The following ACOT9 variants were observed in gnomAD, a reference collection of about 807,000 sequenced individuals.
The protein encoded by ACOT9 is acyl-CoA thioesterase 9, also known as acyl-coenzyme A thioesterase 9, mitochondrial.
ACOT9 carries 34 observed loss-of-function variants against 39.7 expected under a neutral mutation model. That is an observed-to-expected ratio of 0.86 (90% CI 0.65 to 1.14). The LOEUF is 1.14. ACOT9 is among the 50% of genes most tolerant of loss of function. ACOT9 has a pLI of 0.00. For synonymous variants in ACOT9, 110 were observed against 120.5 expected, an observed-to-expected ratio of 0.91 and a Z score of 0.57; for missense variants, 313 against 344.1, an observed-to-expected ratio of 0.91 and a Z score of 0.71.
chrX:23,742,726 T>G (rs2146867805), intron 1 of ACOT9, among the ~76,000 whole-genome samples: 1 of 111,779 alleles, frequency 8.9e-6, no homozygotes, highest in African/African-American at 3.2e-5. Flanking sequence ...ATCCTAAAAA[T>G]GTTCTCCAAA....
In ACOT9 at chrX:23,728,212, G is replaced by A. The variant is rs148811476; in HGVS notation, c.400+2315C>T. Reference sequence around the variant, plus strand: ...CATTCAGCCCAAATATCATTAGGTGGGAGCAAGTAAGGTAACCTAGAGTAG... The same window carrying A: ...CATTCAGCCCAAATATCATTAGGTGAGAGCAAGTAAGGTAACCTAGAGTAG... On this transcript the variant is annotated intron_variant, in intron 6 of 15. Transcript: ENST00000379303. Among the ~76,000 whole-genome samples the A allele has an allele frequency of 5.4e-5, 6 of 110,954 alleles. No homozygotes were observed. In the East Asian group the frequency reaches 1.7e-3, roughly 32 times the overall value.
At chrX:23,726,825 C>A (rs1351830931) in intron 6 of ACOT9, among the ~76,000 whole-genome samples, 1 of 111,001 alleles carries the variant, frequency 9.0e-6, no homozygotes, top group African/African-American at 3.3e-5. Context: ...TGCCACTACA[C>A]CCGGCTAATT....
At position 23,705,634 on chromosome X, in the gene ACOT9, T is replaced by C. The variant is rs1928650838; in HGVS notation, c.934-40A>G. ...TAAATATCAATAAATACAAAACTTATGGCCACCTTTGTATACAGAACAGAG... is the reference window on the plus strand; with the variant it reads ...TAAATATCAATAAATACAAAACTTACGGCCACCTTTGTATACAGAACAGAG... On this transcript the variant is annotated intron_variant, in intron 12 of 15. Transcript: ENST00000379303. The C allele has an allele frequency of 8.7e-7, 1 of 1,151,703 alleles. No homozygotes were observed. Among genetic ancestry groups the C allele is most frequent in the South Asian group, 1.8e-5 (1 of 54,728 alleles). The allele number at this position is 1,151,703 out of a possible 1,213,427, so 94.9% of individuals were successfully genotyped here. A position where few individuals can be genotyped will look rare whatever the true frequency, so the allele number is the denominator to read the frequency against.
chrX:23,719,869 C>T (rs1327799122), intron 8 of ACOT9, among the ~76,000 whole-genome samples: 1 of 109,889 alleles, frequency 9.1e-6, no homozygotes, highest in Non-Finnish European at 1.9e-5. Context: ...CGGAGTCTCG[C>T]TCTGTCGCCC....
At chrX:23,729,687 A>G (rs776201126) in intron 6 of ACOT9, among the ~76,000 whole-genome samples, 1 of 112,184 alleles carries the variant, frequency 8.9e-6, no homozygotes, top group Non-Finnish European at 1.9e-5. Context: ...GCTGGAGTGC[A>G]GTGGCGCGAT....
At chrX:23,742,213 T>TGAGTGAGAGAGAGAGAGAGA (rs1555941896) in intron 1 of ACOT9, among the ~76,000 whole-genome samples, 2 of 68,880 alleles carry the variant, frequency 2.9e-5, no homozygotes, top group Non-Finnish European at 5.0e-5. Flanking sequence ...AGTGAGTGAG[T>TGAGTGAGAGAGAGAGAGAGA]GAGAGAGAGA....
chrX:23,742,988 C>T (rs1252561225), intron 1 of ACOT9, 137 bp downstream of exon 1: 2 of 772,226 alleles, frequency 2.6e-6, no homozygotes, highest in African/African-American at 2.2e-5. Context: ...GTACAGTGGG[C>T]GAGCGCCCCT....
At chrX:23,706,451 C>T (rs905779155) in intron 11 of ACOT9, among the ~76,000 whole-genome samples, 177 bp downstream of exon 11, 1 of 93,699 alleles carries the variant, frequency 1.1e-5, no homozygotes. Flanking sequence ...CCCAGCTACT[C>T]GGAGGCTGAG....
intron 6 of ACOT9, among the ~76,000 whole-genome samples, chrX:23,726,490 T>C (rs1929526934): frequency 9.1e-6 from 1 of 110,107 alleles, no homozygotes; most frequent in African/African-American, 3.3e-5. Flanking sequence ...CAAGAGCAGA[T>C]TCAATGGCGT....
rs781345994 is a variant in ACOT9, at chrX:23,731,134, T to A, written c.192-148A>T. 1.4e-5 allele frequency: 6 copies of A among 429,869 alleles called. No individual in the cohort carries two copies. In the East Asian group the frequency reaches 2.4e-4, roughly 17 times the overall value. The allele number at this position is 429,869 out of a possible 1,213,427, so 35.4% of individuals were successfully genotyped here. A position where few individuals can be genotyped will look rare whatever the true frequency, so the allele number is the denominator to read the frequency against. ...TCTCTTCCTTCCCTCCCTTCCCACC[T>A]GCCACTTGGTGAAATTGATCATTTC... On this transcript the variant is annotated intron_variant, in intron 4 of 15. Coordinates refer to ENST00000379303, the MANE Select transcript of ACOT9 (RefSeq NM_001037171.2).
rs763163855 is a variant in ACOT9, at chrX:23,731,881, G to C, written c.192-895C>G. 2.0e-4 allele frequency among the ~76,000 whole-genome samples: 22 copies of C among 112,007 alleles called. No individual in the cohort carries two copies. The South Asian group carries it at 8.0e-3, about 41-fold the overall frequency. The stretch of plus-strand genomic sequence containing the variant: ...AAGAAGAGAAGATTAAGGTGAAAGA[G>C]AAAAGAAAGACAAGGGGATACGGAA... On this transcript the variant is annotated intron_variant, in intron 4 of 15. Coordinates refer to ENST00000379303, the MANE Select transcript of ACOT9 (RefSeq NM_001037171.2).
rs375977760 is a variant in ACOT9 at position 23,721,870 on chromosome X, C to T, written c.588+11G>A. The T allele has an allele frequency of 1.4e-4, 168 of 1,185,043 alleles. No homozygotes were observed. The highest frequency in any genetic ancestry group is 1.7e-4 in the Non-Finnish European group (145 of 874,347). ...ACTTAAACAGTGGACAATCTTCAGGCGCATATTTACCTGGAACATTTGCAT... is the reference window on the plus strand; with the variant it reads ...ACTTAAACAGTGGACAATCTTCAGGTGCATATTTACCTGGAACATTTGCAT... On this transcript the variant is annotated intron_variant, in intron 8 of 15. Coordinates refer to ENST00000379303, the MANE Select transcript of ACOT9 (RefSeq NM_001037171.2).
chrX:23,710,143 G>A (rs1928843446), intron 9 of ACOT9, among the ~76,000 whole-genome samples: 2 of 112,149 alleles, frequency 1.8e-5, no homozygotes, highest in African/African-American at 6.5e-5. Flanking sequence ...TGCCCACCTC[G>A]GCCTCCCAAA....
intron 1 of ACOT9, among the ~76,000 whole-genome samples, chrX:23,741,065 T>C (rs1436174082): frequency 1.8e-5 from 2 of 109,228 alleles, no homozygotes; most frequent in African/African-American, 6.7e-5. Context: ...GGCACATGTA[T>C]ACATATGTAA....
intron 8 of ACOT9, among the ~76,000 whole-genome samples, chrX:23,719,793 G>A (rs750834338): frequency 2.7e-5 from 3 of 111,433 alleles, no homozygotes; most frequent in Admixed American, 9.6e-5. Context: ...TGGCCCGGGG[G>A]TTGGGGACCC....
At position 23,703,937 on chromosome X, in the gene ACOT9, C is replaced by T. The variant is rs201105808; in HGVS notation, c.1304G>A (p.Ser435Asn). Residue 435 changes from serine to asparagine, a missense_variant, in exon 16 of 16, where the codon AGT becomes AAT. By Grantham distance (46) the Ser-to-Asn change is conservative. Transcript: ENST00000379303. Reference sequence around the variant, plus strand: ...GTCCTTTCTCAAGGTCGCTGGGCCACTCATGGAGTTGAAATGCCGCTGCCC... The same window carrying T: ...GTCCTTTCTCAAGGTCGCTGGGCCATTCATGGAGTTGAAATGCCGCTGCCC... ...LDGQRHFNSM[S>N]GPATLRKDYL... 51 of 1,209,458 alleles carry T rather than the reference C, an allele frequency of 4.2e-5. No homozygotes were observed. The highest frequency in any genetic ancestry group is 5.7e-5 in the Non-Finnish European group (51 of 895,025).
intron 15 of ACOT9, among the ~76,000 whole-genome samples, chrX:23,704,401 C>T (rs1160806115): frequency 9.7e-6 from 1 of 102,872 alleles, no homozygotes; most frequent in African/African-American, 3.6e-5. Context: ...AGGATGGTCT[C>T]GATCTCCTGA....
At chrX:23,731,189 C>G (rs777388556) in intron 4 of ACOT9, among the ~76,000 whole-genome samples, 133 of 112,067 alleles carry the variant, frequency 1.2e-3, no homozygotes, top group African/African-American at 4.2e-3. Flanking sequence ...TAAAAACATT[C>G]TTAAGGCCAG....
At position 23,726,063 on chromosome X, in the gene ACOT9, G is replaced by A. The variant is rs145996396; in HGVS notation, c.401-3310C>T. On this transcript the variant is annotated intron_variant, in intron 6 of 15. Transcript: ENST00000379303. ...AAGATACAAAAAATTAGCCGGGCGT[G>A]GTGGTGTGTGCCTGTTATCCCAGCT... Among the ~76,000 whole-genome samples, 884 of 109,032 alleles carry A rather than the reference G, an allele frequency of 8.1e-3. 10 individuals carry two copies. Among genetic ancestry groups the A allele is most frequent in the African/African-American group, 0.027 (819 of 29,985 alleles). The allele number at this position is 109,032 out of a possible 115,157, so 94.7% of individuals were successfully genotyped here.
Sources: allele counts gnomAD v4.1 joint callset (sites outside exome capture counted in the v4.1 genomes callset), GRCh38; gene constraint gnomAD v4.1.1; transcripts MANE v1.5; gene names NCBI Gene and HGNC (gene_info 2026-07-23, HGNC 2026-07-21).